Variants in THSD7B observed in about 807,000 individuals in gnomAD.
THSD7B encodes thrombospondin type-1 domain-containing protein 7B.
Under a neutral mutation model 213.6 loss-of-function variants are expected in THSD7B, and 138 were observed. The ratio of observed to expected loss-of-function variants is 0.65; its 90% CI spans 0.56 to 0.74. THSD7B has a LOEUF of 0.74. Ranked by LOEUF, THSD7B falls within the 30% of genes least tolerant of loss-of-function variation. THSD7B has a pLI of 0.00. For synonymous variants in THSD7B, 742 were observed against 687.0 expected, an observed-to-expected ratio of 1.08 and a Z score of -1.25; for missense variants, 1,931 against 1,991.5, an observed-to-expected ratio of 0.97 and a Z score of 0.58.
intron 1 of THSD7B, among the ~76,000 whole-genome samples, chr2:136,805,566 G>A (rs1397370160): frequency 6.6e-6 from 1 of 152,050 alleles, no homozygotes; most frequent in African/African-American, 2.4e-5. Flanking sequence ...AAGAGCTGTT[G>A]TTTGCCCATC....
Position 136,991,020 on chromosome 2 carries a change from CA to C in THSD7B, c.140-65394del, listed in dbSNP as rs1439577461. On this transcript the variant is annotated intron_variant, in intron 2 of 27. Coordinates refer to ENST00000409968, the MANE Select transcript of THSD7B (RefSeq NM_001316349.2). The stretch of plus-strand genomic sequence containing the variant: ...GGCACAGGTGAATACCTGTCCTCCC[CA>C]AAAAAGGAGAAAGAAAGATGGTTAT... 12 of 1,089,726 alleles carry C rather than the reference CA, an allele frequency of 1.1e-5. No homozygotes were observed. In the African/African-American group the frequency reaches 1.5e-4, roughly 13 times the overall value. The allele number at this position is 1,089,726 out of a possible 1,614,324, so 67.5% of individuals were successfully genotyped here. A position where few individuals can be genotyped will look rare whatever the true frequency, so the allele number is the denominator to read the frequency against.
rs1010888011 is a variant in THSD7B at position 137,404,038 on chromosome 2, T to G, written c.2501-1575T>G. Among the ~76,000 whole-genome samples, 3 of 152,108 alleles carry G rather than the reference T, an allele frequency of 2.0e-5. No individual in the cohort carries two copies. The South Asian group carries it at 6.2e-4, about 32-fold the overall frequency. ...CTATAATTAACCAGAGTGAAAAAGA[T>G]GAACCAAAATATTGTGTATTCATTC... On this transcript the variant is annotated intron_variant, in intron 12 of 27. Coordinates refer to ENST00000409968, the MANE Select transcript of THSD7B (RefSeq NM_001316349.2).
intron 1 of THSD7B, among the ~76,000 whole-genome samples, chr2:136,834,711 T>A (rs1682816684): frequency 6.6e-6 from 1 of 152,162 alleles, no homozygotes; most frequent in African/African-American, 2.4e-5. Context: ...ATGAGGTTAA[T>A]GATACAACTC....
At chr2:137,197,647 T>G (rs1197464919) in intron 7 of THSD7B, among the ~76,000 whole-genome samples, 1 of 152,146 alleles carries the variant, frequency 6.6e-6, no homozygotes, top group Non-Finnish European at 1.5e-5. Context: ...AGGCATGCAG[T>G]ACTGTTGGCG....
intron 17 of THSD7B, among the ~76,000 whole-genome samples, chr2:137,602,309 C>T (rs1468246878): frequency 6.6e-6 from 1 of 151,758 alleles, no homozygotes; most frequent in African/African-American, 2.4e-5. Context: ...CTTGCTCCTT[C>T]GCCAGGCTGG....
At chr2:137,606,539 T>C (rs532187832) in intron 17 of THSD7B, among the ~76,000 whole-genome samples, 1 of 152,188 alleles carries the variant, frequency 6.6e-6, no homozygotes, top group South Asian at 2.1e-4. Context: ...TGCACAAATA[T>C]TAAAACAGAA....
chr2:136,778,691 T>G (rs1178126571), intron 1 of THSD7B, among the ~76,000 whole-genome samples: 1 of 152,180 alleles, frequency 6.6e-6, no homozygotes, highest in East Asian at 1.9e-4. Flanking sequence ...TTATTCCATA[T>G]TTACTTTTTC....
At chr2:137,166,109 G>A (rs1299537583) in intron 6 of THSD7B, among the ~76,000 whole-genome samples, 1 of 152,112 alleles carries the variant, frequency 6.6e-6, no homozygotes, top group African/African-American at 2.4e-5. Flanking sequence ...TGGTTATTCA[G>A]AGTACATTAG....
chr2:137,050,926 A>T (rs1037182960), intron 2 of THSD7B, among the ~76,000 whole-genome samples: 3 of 152,208 alleles, frequency 2.0e-5, no homozygotes, highest in Non-Finnish European at 2.9e-5. Context: ...ATATCTGATG[A>T]GCAGGTTTTC....
At chr2:137,237,113 CAAA>C (rs70978209) in intron 9 of THSD7B, among the ~76,000 whole-genome samples, 56 of 109,558 alleles carry the variant, frequency 5.1e-4, no homozygotes, top group Admixed American at 7.5e-4. Context: ...AACTCCGTCT[CAAA>C]AAAAAAAAAA....
chr2:137,512,495 G>T (rs1182003538), intron 15 of THSD7B, among the ~76,000 whole-genome samples: 1 of 148,386 alleles, frequency 6.7e-6, no homozygotes, highest in East Asian at 2.0e-4. Context: ...AGGCTCAAGG[G>T]ATCCTCCCAC....
intron 7 of THSD7B, among the ~76,000 whole-genome samples, chr2:137,189,427 C>T (rs539617427): frequency 1.8e-3 from 280 of 152,248 alleles, no homozygotes; most frequent in African/African-American, 6.2e-3. Flanking sequence ...ATGATGTTCG[C>T]TCTAGGCCCT....
chr2:136,817,979 A>G (rs868638546), intron 1 of THSD7B, among the ~76,000 whole-genome samples: 15,139 of 143,408 alleles, frequency 0.11, 1,134 homozygotes, highest in Non-Finnish European at 0.18. Flanking sequence ...CATTGTGGAA[A>G]TCAGTGTGGC....
At chr2:137,022,021 A>G (rs759648163) in intron 2 of THSD7B, among the ~76,000 whole-genome samples, 6 of 152,150 alleles carry the variant, frequency 3.9e-5, no homozygotes, top group Non-Finnish European at 7.3e-5. Flanking sequence ...ATGTATCAAT[A>G]GTTTGTCCTT....
At chr2:137,006,504 C>T (rs1479614286) in intron 2 of THSD7B, among the ~76,000 whole-genome samples, 1 of 152,068 alleles carries the variant, frequency 6.6e-6, no homozygotes, top group African/African-American at 2.4e-5. Context: ...AATTTATGTA[C>T]AGGAGGCTAA....
intron 5 of THSD7B, among the ~76,000 whole-genome samples, chr2:137,131,597 T>C (rs1688733932): frequency 6.6e-6 from 1 of 152,238 alleles, no homozygotes. Flanking sequence ...TTTCTACATA[T>C]GGCTAGCCAG....
At chr2:137,403,262 C>A (rs535881271) in intron 12 of THSD7B, among the ~76,000 whole-genome samples, 1 of 151,952 alleles carries the variant, frequency 6.6e-6, no homozygotes, top group Admixed American at 6.6e-5. Context: ...ATGGGTTTGG[C>A]TTTCACCAGT....
intron 7 of THSD7B, among the ~76,000 whole-genome samples, chr2:137,179,387 T>C (rs1254632536): frequency 1.3e-5 from 2 of 152,162 alleles, no homozygotes; most frequent in Non-Finnish European, 2.9e-5. Flanking sequence ...TCATTACTCT[T>C]GACACATTTA....
chr2:137,337,441 G>C (rs978376047), intron 12 of THSD7B, among the ~76,000 whole-genome samples: 2 of 151,968 alleles, frequency 1.3e-5, no homozygotes, highest in Non-Finnish European at 2.9e-5. Flanking sequence ...TAATAGCATC[G>C]AATCAGAAGT....
Sources: gnomAD v4.1 joint callset for allele counts (sites outside exome capture counted in the v4.1 genomes callset) on GRCh38, gnomAD v4.1.1 for gene constraint, MANE v1.5 for transcripts, NCBI Gene and HGNC (gene_info 2026-07-23, HGNC 2026-07-21) for gene names.